The following SLC14A2 variants were observed in gnomAD, a reference collection of about 807,000 sequenced individuals.
SLC14A2 encodes the protein urea transporter 2.
A neutral mutation model predicts 104.6 loss-of-function variants in SLC14A2; 91 were observed. That is an observed-to-expected ratio of 0.87 (90% CI 0.73 to 1.04). The LOEUF (loss-of-function observed/expected upper bound fraction) is 1.04, where lower values mean the gene tolerates loss of function less well. SLC14A2 is among the 50% of genes least tolerant of loss of function. SLC14A2 has a pLI of 0.00. For missense variants in SLC14A2, 1,189 were observed against 1,156.0 expected (o/e 1.03, Z -0.41); for synonymous variants, 476 against 466.4 (o/e 1.02, Z -0.27).
At chr18:45,531,409 G>A (rs1415647984) in intron 2 of SLC14A2, among the ~76,000 whole-genome samples, 2 of 151,894 alleles carry the variant, frequency 1.3e-5, no homozygotes, top group African/African-American at 4.8e-5. Flanking sequence ...GTGTGAGATG[G>A]TGTCTCATTG....
chr18:45,186,449 CAG>C, the SLC14A2 span, among the ~76,000 whole-genome samples: 3 of 152,162 alleles, frequency 2.0e-5, no homozygotes, highest in African/African-American at 7.2e-5. Context: ...AAAATTAACT[CAG>C]AGATTTAAAT....
chr18:45,451,827 A>G (rs2086862528), intron 1 of SLC14A2, among the ~76,000 whole-genome samples: 1 of 152,174 alleles, frequency 6.6e-6, no homozygotes, highest in Non-Finnish European at 1.5e-5. Flanking sequence ...AAACTATTCA[A>G]AAGACCAAGT....
At chr18:45,516,238 C>T (rs1298965671) in intron 2 of SLC14A2, among the ~76,000 whole-genome samples, 2 of 152,042 alleles carry the variant, frequency 1.3e-5, no homozygotes, top group Non-Finnish European at 2.9e-5. Context: ...TCCTTCCTCC[C>T]TTCCATTCTT....
intron 1 of SLC14A2, among the ~76,000 whole-genome samples, chr18:45,331,432 C>T (rs967926884): frequency 2.0e-5 from 3 of 152,164 alleles, no homozygotes; most frequent in African/African-American, 7.2e-5. Flanking sequence ...TGGCTCACGC[C>T]TGTAATCCCA....
intron 1 of SLC14A2, among the ~76,000 whole-genome samples, chr18:45,219,692 T>C (rs1458085536): frequency 1.3e-5 from 2 of 152,248 alleles, no homozygotes; most frequent in African/African-American, 2.4e-5. Flanking sequence ...AAATTTCTTA[T>C]TGTTTGTCTT....
chr18:45,260,206 G>C (rs2084521630), intron 1 of SLC14A2, among the ~76,000 whole-genome samples: 1 of 152,178 alleles, frequency 6.6e-6, no homozygotes, highest in South Asian at 2.1e-4. Flanking sequence ...CAGCTCCTCT[G>C]TGCAATGGAT....
In SLC14A2 at chr18:45,446,148, C is replaced by T. The variant is rs118071020; in HGVS notation, c.-124-37085C>T. 7.4e-3 allele frequency among the ~76,000 whole-genome samples: 1,124 copies of T among 152,272 alleles called. 21 individuals carry two copies. Among genetic ancestry groups the T allele is most frequent in the South Asian group, 0.074 (354 of 4,814 alleles). ...TGAAACCCCTGGCACACAGGGTTCA[C>T]GCTCAGTTAAAGAGTGTGATTATTG... On this transcript the variant is annotated intron_variant, in intron 1 of 20. Transcript: ENST00000586448.
intron 5 of SLC14A2, among the ~76,000 whole-genome samples, chr18:45,634,072 C>T (rs565010891): frequency 6.6e-6 from 1 of 152,286 alleles, no homozygotes; most frequent in Admixed American, 6.5e-5. Flanking sequence ...TCAGTGCCCC[C>T]CATCCCACTT....
At chr18:45,279,089 T>C (rs191987957) in intron 1 of SLC14A2, among the ~76,000 whole-genome samples, 124 of 152,302 alleles carry the variant, frequency 8.1e-4, no homozygotes, top group African/African-American at 2.9e-3. Flanking sequence ...CTGGTTCTGA[T>C]CAGTTCTGCA....
At chr18:45,657,892 C>A (rs2045868852) in intron 10 of SLC14A2, among the ~76,000 whole-genome samples, 1 of 152,180 alleles carries the variant, frequency 6.6e-6, no homozygotes. Context: ...ATCCCACTTA[C>A]CACCCACAAG....
chr18:45,500,272 C>G (rs1302330768), intron 2 of SLC14A2, among the ~76,000 whole-genome samples: 2 of 152,134 alleles, frequency 1.3e-5, no homozygotes, highest in Non-Finnish European at 2.9e-5. Flanking sequence ...TTCTTGAAAT[C>G]CTTGACTTGA....
At chr18:45,310,378 A>G (rs183074198) in intron 1 of SLC14A2, among the ~76,000 whole-genome samples, 99 of 152,348 alleles carry the variant, frequency 6.5e-4, no homozygotes, top group African/African-American at 2.3e-3. Context: ...CCTGATAGGT[A>G]TGATCATCAT....
chr18:45,657,556 G>A (rs2045861446), intron 10 of SLC14A2, among the ~76,000 whole-genome samples: 1 of 148,836 alleles, frequency 6.7e-6, no homozygotes. Flanking sequence ...AAGAGAGAGA[G>A]AAAGAAAGGA....
At chr18:45,420,133 C>T (rs1396492060) in intron 1 of SLC14A2, among the ~76,000 whole-genome samples, 1 of 152,198 alleles carries the variant, frequency 6.6e-6, no homozygotes, top group Non-Finnish European at 1.5e-5. Context: ...CTAGAGGATG[C>T]ACTTCCAAGG....
At chr18:45,472,033 C>A (rs1288175102) in intron 1 of SLC14A2, among the ~76,000 whole-genome samples, 1 of 152,066 alleles carries the variant, frequency 6.6e-6, no homozygotes, top group East Asian at 1.9e-4. Context: ...CCCTAGCCCC[C>A]GACCCCATGA....
chr18:45,544,524 AC>A (rs2043938643), intron 2 of SLC14A2, among the ~76,000 whole-genome samples: 1 of 152,144 alleles, frequency 6.6e-6, no homozygotes, highest in African/African-American at 2.4e-5. Flanking sequence ...AAAACATCAA[AC>A]TTTTTGGATG....
chr18:45,410,387 C>T (rs1443517982), intron 1 of SLC14A2, among the ~76,000 whole-genome samples: 1 of 152,114 alleles, frequency 6.6e-6, no homozygotes, highest in African/African-American at 2.4e-5. Context: ...TAATATAAAT[C>T]TATGAGGTGC....
intron 1 of SLC14A2, among the ~76,000 whole-genome samples, chr18:45,476,418 T>C (rs2543008): frequency 0.21 from 31,518 of 152,258 alleles, 3,724 homozygotes; most frequent in Non-Finnish European, 0.27. Context: ...TAACATTTTT[T>C]CCTTAATTTC....
chr18:45,204,422 A>G, the SLC14A2 span, among the ~76,000 whole-genome samples: 69 of 152,164 alleles, frequency 4.5e-4, 1 homozygote, highest in South Asian at 8.3e-4. Context: ...ATCCCTGTGG[A>G]CTGTGGAAAC....
Sources: allele counts gnomAD v4.1 joint callset (sites outside exome capture counted in the v4.1 genomes callset), GRCh38; gene constraint gnomAD v4.1.1; transcripts MANE v1.5; gene names NCBI Gene and HGNC (gene_info 2026-07-23, HGNC 2026-07-21).